MACROD2: variants seen among roughly 807,000 people sequenced by gnomAD.
MACROD2 encodes the protein ADP-ribose glycohydrolase MACROD2.
MACROD2 carries 36 observed loss-of-function variants against 70.4 expected under a neutral mutation model. The ratio of observed to expected loss-of-function variants is 0.51; its 90% confidence interval spans 0.39 to 0.68. The LOEUF (loss-of-function observed/expected upper bound fraction) is 0.68, where lower values mean the gene tolerates loss of function less well. Ranked by LOEUF, MACROD2 falls within the 30% of genes least tolerant of loss-of-function variation. The pLI is 0.00. For missense variants in MACROD2, 496 were observed against 538.4 expected, an observed-to-expected ratio of 0.92 and a Z score of 0.78; for synonymous variants, 172 against 178.8, an observed-to-expected ratio of 0.96 and a Z score of 0.30.
intron 8 of MACROD2, among the ~76,000 whole-genome samples, chr20:15,596,895 A>G (rs2048753005): frequency 6.6e-6 from 1 of 152,224 alleles, no homozygotes; most frequent in Non-Finnish European, 1.5e-5. Context: ...TCTCAATGGC[A>G]GTACATATTT....
intron 7 of MACROD2, among the ~76,000 whole-genome samples, chr20:15,481,554 C>T (rs968190854): frequency 1.8e-4 from 27 of 152,112 alleles, no homozygotes; most frequent in African/African-American, 6.5e-4. Context: ...ATGAATGGTA[C>T]TGCTTAAACG....
At chr20:14,356,065 A>G (rs2083169410) in intron 3 of MACROD2, among the ~76,000 whole-genome samples, 1 of 152,156 alleles carries the variant, frequency 6.6e-6, no homozygotes, top group South Asian at 2.1e-4. Flanking sequence ...TGTCATGGTT[A>G]AGGGTGCTAG....
chr20:15,700,927 A>G (rs1280705436), intron 8 of MACROD2, among the ~76,000 whole-genome samples: 1 of 152,222 alleles, frequency 6.6e-6, no homozygotes, highest in Non-Finnish European at 1.5e-5. Context: ...TGCCTACACA[A>G]ATGTTTCTCA....
intron 9 of MACROD2, among the ~76,000 whole-genome samples, chr20:15,866,420 A>G (rs901740461): frequency 2.6e-5 from 4 of 151,884 alleles, no homozygotes; most frequent in African/African-American, 9.7e-5. Context: ...AAATAAATAA[A>G]TAAATATTGT....
chr20:14,981,147 C>T (rs1170793254), intron 5 of MACROD2, among the ~76,000 whole-genome samples: 1 of 151,754 alleles, frequency 6.6e-6, no homozygotes, highest in Admixed American at 6.6e-5. Flanking sequence ...ACAAGGATCC[C>T]CATCATCGCG....
chr20:14,194,111 A>T (rs1287094422), intron 3 of MACROD2, among the ~76,000 whole-genome samples: 1 of 152,174 alleles, frequency 6.6e-6, no homozygotes, highest in Non-Finnish European at 1.5e-5. Flanking sequence ...GGTGGGGAAT[A>T]GGTACCTACT....
intron 4 of MACROD2, among the ~76,000 whole-genome samples, chr20:14,515,994 T>A (rs967869435): frequency 6.8e-6 from 1 of 147,564 alleles, no homozygotes; most frequent in African/African-American, 2.5e-5. Context: ...ATAATTTATT[T>A]TATATATTAT....
At chr20:15,563,134 G>GC (rs1600595139) in intron 8 of MACROD2, among the ~76,000 whole-genome samples, 1 of 152,166 alleles carries the variant, frequency 6.6e-6, no homozygotes, top group Non-Finnish European at 1.5e-5. Flanking sequence ...CAGTGTTGAT[G>GC]CCCTTAGGAA....
chr20:15,564,905 C>A (rs574569120), intron 8 of MACROD2, among the ~76,000 whole-genome samples: 1 of 152,096 alleles, frequency 6.6e-6, no homozygotes, highest in Non-Finnish European at 1.5e-5. Flanking sequence ...TCTTACATGA[C>A]CCCAGATAAA....
chr20:14,851,129 G>A (rs1033980449), intron 5 of MACROD2, among the ~76,000 whole-genome samples: 22 of 152,060 alleles, frequency 1.4e-4, no homozygotes, highest in African/African-American at 5.3e-4. Flanking sequence ...TTGTCATTGA[G>A]GGAAAGAGTT....
intron 3 of MACROD2, among the ~76,000 whole-genome samples, chr20:14,093,252 C>CTT (rs546011508): frequency 6.9e-5 from 10 of 145,728 alleles, no homozygotes; most frequent in South Asian, 2.2e-4. Context: ...GCTAATTAAA[C>CTT]TTTTTTTTTT....
chr20:15,249,835 G>T (rs1048244832), intron 6 of MACROD2, among the ~76,000 whole-genome samples: 5 of 152,194 alleles, frequency 3.3e-5, no homozygotes, highest in African/African-American at 1.2e-4. Context: ...AAAGGTTTGA[G>T]GATTTGCACA....
At chr20:14,720,530 C>T (rs1001204281) in intron 5 of MACROD2, among the ~76,000 whole-genome samples, 2 of 97,034 alleles carry the variant, frequency 2.1e-5, no homozygotes, top group Non-Finnish European at 2.2e-5. Context: ...CCCAGCTGCC[C>T]CACAACTTTT....
chr20:15,068,602 C>T lies in MACROD2; in HGVS notation c.419-161338C>T, dbSNP rs553338573. The stretch of plus-strand genomic sequence containing the variant: ...AAGAGCCTAGCACCTCCTTCCCTCT[C>T]TCTTGCTCCCTCATGCCATGTGACA... On this transcript the variant is annotated intron_variant, in intron 5 of 17. Coordinates refer to ENST00000684519, the MANE Select transcript of MACROD2 (RefSeq NM_001351661.2). Among the ~76,000 whole-genome samples, 102 of 152,252 alleles carry T rather than the reference C, an allele frequency of 6.7e-4. 1 individual carries two copies. The highest frequency in any genetic ancestry group is 2.0e-3 in the African/African-American group (85 of 41,568).
intron 5 of MACROD2, among the ~76,000 whole-genome samples, chr20:14,793,595 A>G (rs2072475968): frequency 6.6e-6 from 1 of 152,080 alleles, no homozygotes; most frequent in Non-Finnish European, 1.5e-5. Context: ...TTGGAAAGCT[A>G]CAAAGCCAAA....
chr20:15,821,252 A>G (rs1218784332), intron 8 of MACROD2, among the ~76,000 whole-genome samples: 1 of 152,044 alleles, frequency 6.6e-6, no homozygotes, highest in East Asian at 1.9e-4. Flanking sequence ...TCTTCATTTT[A>G]CTATTTTATT....
intron 3 of MACROD2, among the ~76,000 whole-genome samples, chr20:14,212,233 AGG>A (rs1156305740): frequency 1.3e-5 from 2 of 152,194 alleles, no homozygotes; most frequent in African/African-American, 2.4e-5. Flanking sequence ...AATGGCCTAC[AGG>A]TAACACCACC....
intron 8 of MACROD2, among the ~76,000 whole-genome samples, chr20:15,852,922 G>A (rs944525573): frequency 3.9e-5 from 6 of 152,148 alleles, no homozygotes; most frequent in Admixed American, 1.3e-4. Flanking sequence ...GAGGAGGGAG[G>A]ACTCCTTGAT....
intron 3 of MACROD2, among the ~76,000 whole-genome samples, chr20:14,460,978 C>T (rs1168526190): frequency 9.3e-5 from 14 of 150,786 alleles, no homozygotes; most frequent in African/African-American, 2.9e-4. Context: ...TTTTATCGTT[C>T]GGAATAGTTT....
Sources: allele counts gnomAD v4.1 joint callset (sites outside exome capture counted in the v4.1 genomes callset), GRCh38; gene constraint gnomAD v4.1.1; transcripts MANE v1.5; gene names NCBI Gene and HGNC (gene_info 2026-07-23, HGNC 2026-07-21).